Variants in RYR2 observed in about 807,000 individuals in gnomAD.
The protein encoded by RYR2 is ryanodine receptor 2, also known as cardiac muscle ryanodine receptor-calcium release channel.
In RYR2, 227 loss-of-function variants were observed where a neutral mutation model predicts 601.1. The observed-to-expected ratio is 0.38, with a 90% CI of 0.34 to 0.42. RYR2 has a LOEUF of 0.42. Ranked by LOEUF, RYR2 falls within the 10% of genes least tolerant of loss-of-function variation. The probability of loss-of-function intolerance (pLI) is 1.00; values close to 1 mark genes in which losing one functional copy is unlikely to be tolerated. For synonymous variants in RYR2, 2,223 were observed against 2,175.1 expected (o/e 1.02, Z -0.61); for missense variants, 4,646 against 6,156.5 (o/e 0.75, Z 8.21).
intron 53 of RYR2, among the ~76,000 whole-genome samples, chr1:237,656,653 T>G (rs1683275551): frequency 6.6e-6 from 1 of 152,200 alleles, no homozygotes; most frequent in Non-Finnish European, 1.5e-5. Flanking sequence ...GATTCTATGG[T>G]GACTCAGCAA....
At chr1:237,397,479 T>C (rs1368475840) in intron 10 of RYR2, among the ~76,000 whole-genome samples, 5 of 152,128 alleles carry the variant, frequency 3.3e-5, no homozygotes, top group African/African-American at 4.8e-5. Context: ...GGAGGTGATA[T>C]ACATCAGCCT....
At chr1:237,669,884 G>A (rs1433007100) in intron 58 of RYR2, among the ~76,000 whole-genome samples, 13 of 151,722 alleles carry the variant, frequency 8.6e-5, no homozygotes, top group Admixed American at 4.6e-4. Context: ...TCCCAGACGG[G>A]GTGGCGGCCG....
intron 2 of RYR2, among the ~76,000 whole-genome samples, chr1:237,314,513 G>A (rs1194541236): frequency 1.3e-5 from 2 of 152,190 alleles, no homozygotes; most frequent in Admixed American, 1.3e-4. Context: ...CCTTCCAGGT[G>A]CTCAGGTTGC....
At chr1:237,723,398 C>T (rs954153842) in intron 74 of RYR2, 136 bp downstream of exon 74, 2 of 575,680 alleles carry the variant, frequency 3.5e-6, no homozygotes, top group African/African-American at 3.8e-5. Context: ...GAATAAGAGT[C>T]CGGTGTGCTT....
At chr1:237,223,064 C>T (rs113721327) in intron 1 of RYR2, among the ~76,000 whole-genome samples, 1,933 of 152,240 alleles carry the variant, frequency 0.013, 54 homozygotes, top group African/African-American at 0.045. Flanking sequence ...AGTGAAACTC[C>T]GTCTCAAAAC....
intron 2 of RYR2, among the ~76,000 whole-genome samples, chr1:237,287,051 A>G (rs943219838): frequency 3.3e-5 from 5 of 152,114 alleles, no homozygotes; most frequent in African/African-American, 1.2e-4. Flanking sequence ...GTTTGTCTGA[A>G]AAAGACTGTA....
At chr1:237,301,268 A>C (rs1693325854) in intron 2 of RYR2, among the ~76,000 whole-genome samples, 2 of 152,178 alleles carry the variant, frequency 1.3e-5, no homozygotes, top group African/African-American at 4.8e-5. Context: ...TTGAATACAT[A>C]CCATTCAAAT....
chr1:237,456,436 A>G (rs945983519), intron 15 of RYR2, among the ~76,000 whole-genome samples, 164 bp from the exon 16 acceptor site: 2 of 152,216 alleles, frequency 1.3e-5, no homozygotes, highest in African/African-American at 4.8e-5. Flanking sequence ...TCACATGCAA[A>G]TGTGTGTCTT....
At position 237,833,281 on chromosome 1, in the gene RYR2, GA is replaced by G. The variant is rs377407067; in HGVS notation, c.*646del. The G allele has an allele frequency of 0.18, 19,591 of 111,472 alleles. 3,301 individuals carry two copies. Among genetic ancestry groups the G allele is most frequent in the African/African-American group, 0.44 (13,601 of 31,224 alleles). 6.9% of individuals were successfully genotyped at this position (111,472 alleles called of 1,614,324 possible). The stretch of plus-strand genomic sequence containing the variant: ...AAGAAAAGCAGTTTGCACTTAAAAA[GA>G]AAAAAAAAAAACGGGTGGTGTGTCT... On this transcript the variant is annotated 3_prime_UTR_variant, in exon 105 of 105. Coordinates refer to ENST00000366574, the MANE Select transcript of RYR2 (RefSeq NM_001035.3).
In RYR2 at chr1:237,707,066, A is replaced by G. The variant is rs1386204884; in HGVS notation, c.9698A>G (p.His3233Arg). The G allele has an allele frequency of 1.4e-5, 23 of 1,613,980 alleles. No individual in the cohort carries two copies. Among genetic ancestry groups the G allele is most frequent in the East Asian group, 2.2e-5 (1 of 44,876 alleles). ...ESGIRYTQMP[H>R]VMEVILPMLC... ...GGCATTCGCTACACTCAAATGCCAC[A>G]TGTCATGGAAGTCATACTGCCCATG... Residue 3233 changes from histidine (H) to arginine (R), a missense_variant, in exon 68 of 105, where the codon CAT (histidine) becomes CGT (arginine). This residue lies in a region of RYR2 where 1,497 missense variants were observed against 1,842.6 expected (regional missense o/e 0.81). Transcript: ENST00000366574.
chr1:237,461,981 T>C (rs1370489746), intron 16 of RYR2, among the ~76,000 whole-genome samples: 1 of 152,178 alleles, frequency 6.6e-6, no homozygotes, highest in Non-Finnish European at 1.5e-5. Flanking sequence ...ATGCTGCCAA[T>C]ATTTTTTATT....
chr1:237,333,740 G>A, intron 3 of RYR2: 1 of 399,558 alleles, frequency 2.5e-6, no homozygotes. Flanking sequence ...ACTCATTATG[G>A]AACTCTAATG....
At chr1:237,619,887 A>G (rs1368343804) in intron 38 of RYR2, among the ~76,000 whole-genome samples, 2 of 152,208 alleles carry the variant, frequency 1.3e-5, no homozygotes, top group Admixed American at 1.3e-4. Flanking sequence ...GGGGAAATCA[A>G]GACATTCTCA....
In RYR2 at chr1:237,506,942, C is replaced by T. The variant is rs1665327044; in HGVS notation, c.2718+128C>T. On this transcript the variant is annotated intron_variant, in intron 23 of 104. Transcript: ENST00000366574. Reference sequence around the variant, plus strand: ...TTGGATTGATTTTTTTCCCCCTACACATTAGTTTTTGTGCAGTTTTGCCTT... The same window carrying T: ...TTGGATTGATTTTTTTCCCCCTACATATTAGTTTTTGTGCAGTTTTGCCTT... 3 of 800,940 alleles carry T rather than the reference C, an allele frequency of 3.7e-6. No homozygotes were observed. In the East Asian group the frequency reaches 8.3e-5, roughly 22 times the overall value. The allele number at this position is 800,940 out of a possible 1,614,324, so 49.6% of individuals were successfully genotyped here. A position where few individuals can be genotyped will look rare whatever the true frequency, so the allele number is the denominator to read the frequency against.
intron 1 of RYR2, among the ~76,000 whole-genome samples, chr1:237,195,115 A>G (rs1379528348): frequency 6.6e-6 from 1 of 152,212 alleles, no homozygotes; most frequent in African/African-American, 2.4e-5. Flanking sequence ...TAATTTTCCT[A>G]ATGTTTACTT....
chr1:237,704,362 G>A (rs1278889188), intron 66 of RYR2, among the ~76,000 whole-genome samples: 1 of 152,008 alleles, frequency 6.6e-6, no homozygotes, highest in Non-Finnish European at 1.5e-5. Flanking sequence ...CATTTGTAAA[G>A]TAATCATTTA....
intron 3 of RYR2, among the ~76,000 whole-genome samples, chr1:237,337,366 C>T (rs924595439): frequency 1.3e-5 from 2 of 151,744 alleles, no homozygotes; most frequent in Non-Finnish European, 1.5e-5. Context: ...TTTAAAAGTA[C>T]ATTTATCAAA....
At chr1:237,175,118 G>A (rs1677874446) in intron 1 of RYR2, among the ~76,000 whole-genome samples, 1 of 152,072 alleles carries the variant, frequency 6.6e-6, no homozygotes, top group Non-Finnish European at 1.5e-5. Flanking sequence ...ACAATCTGAA[G>A]GCTCATATTT....
At chr1:237,270,376 G>GA in intron 1 of RYR2, 121 bp from the exon 2 acceptor site, 1 of 1,398,416 alleles carries the variant, frequency 7.2e-7, no homozygotes, top group Non-Finnish European at 9.9e-7. Context: ...TTTGACAGTA[G>GA]TTTTTACATT....
Sources: allele counts gnomAD v4.1 joint callset (sites outside exome capture counted in the v4.1 genomes callset), GRCh38; gene constraint gnomAD v4.1.1; regional missense constraint gnomAD v4.1.1; transcripts MANE v1.5; gene names NCBI Gene and HGNC (gene_info 2026-07-23, HGNC 2026-07-21).